Variants in NCK1 observed in about 807,000 individuals in gnomAD.
NCK1 encodes NCK adaptor protein 1.
A neutral mutation model predicts 36.6 loss-of-function variants in NCK1; 19 were observed. The ratio of observed to expected loss-of-function variants is 0.52; its 90% CI spans 0.36 to 0.76. The LOEUF is 0.76. NCK1 is among the 30% of genes least tolerant of loss of function. The probability of loss-of-function intolerance (pLI) is 0.00; values close to 1 mark genes in which losing one functional copy is unlikely to be tolerated. For synonymous variants in NCK1, 165 were observed against 156.0 expected, an observed-to-expected ratio of 1.06 and a Z score of -0.43; for missense variants, 358 against 445.6, an observed-to-expected ratio of 0.80 and a Z score of 1.77.
At chr3:136,864,817 G>A (rs576054277) in intron 1 of NCK1, among the ~76,000 whole-genome samples, 39 of 145,894 alleles carry the variant, frequency 2.7e-4, no homozygotes, top group African/African-American at 9.3e-4. Context: ...GAGTGCAGTG[G>A]CACGATCTTG....
chr3:136,938,350 C>T lies in NCK1; in HGVS notation c.227-7233C>T, dbSNP rs556413109. The stretch of plus-strand genomic sequence containing the variant: ...CTGTATTTGTGAATTCACTTATTGG[C>T]TAAAATTTATTTATAAGCCCAAAGT... On this transcript the variant is annotated intron_variant, in intron 2 of 3. Transcript: ENST00000481752. Among the ~76,000 whole-genome samples, 64 of 152,220 alleles carry T rather than the reference C, an allele frequency of 4.2e-4. No individual in the cohort carries two copies. The East Asian group carries it at 9.1e-3, about 22-fold the overall frequency.
At chr3:136,867,072 CTT>C (rs1248118708) in intron 1 of NCK1, among the ~76,000 whole-genome samples, 1 of 368 alleles carries the variant, frequency 2.7e-3, no homozygotes, top group Admixed American at 0.024. Context: ...TTCTTTCTTT[CTT>C]TCTTTCTTTC....
At position 136,865,378 on chromosome 3, in the gene NCK1, G is replaced by T. The variant is rs7627443; in HGVS notation, c.-19+3025G>T. ...GAGATTACAGGTGTGCGCCACCGTG[G>T]CTGGCCTATATTCATTTTTCAAAAA... is the stretch of plus-strand genomic sequence containing the variant. On this transcript the variant is annotated intron_variant, in intron 1 of 3. Coordinates refer to ENST00000481752, the MANE Select transcript of NCK1 (RefSeq NM_001291999.2). Among the ~76,000 whole-genome samples the T allele has an allele frequency of 3.3e-5, 5 of 151,804 alleles. No homozygotes were observed. The East Asian group carries it at 9.7e-4, about 29-fold the overall frequency.
At chr3:136,921,803 G>C (rs1283138986) in intron 1 of NCK1, among the ~76,000 whole-genome samples, 1 of 152,156 alleles carries the variant, frequency 6.6e-6, no homozygotes, top group African/African-American at 2.4e-5. Flanking sequence ...GTTTTGTTTT[G>C]AGACGGAGTC....
intron 1 of NCK1, among the ~76,000 whole-genome samples, chr3:136,868,126 G>T (rs890221794): frequency 1.3e-5 from 2 of 151,884 alleles, no homozygotes; most frequent in African/African-American, 4.8e-5. Context: ...ATGTTGGCCA[G>T]GCTGGTCTCA....
rs1342886093 is a variant in NCK1, at chr3:136,946,065, G to T, written c.709G>T (p.Gly237Cys). 6.2e-7 allele frequency: 1 copy of T among 1,613,920 alleles called. No individual in the cohort carries two copies. The highest frequency in any genetic ancestry group is 2.2e-5 in the East Asian group (1 of 44,852). Residue 237 changes from glycine to cysteine, a missense_variant, in exon 3 of 4, where the codon GGT (glycine) becomes TGT (cysteine). Physicochemically the swap from Gly to Cys is radical, Grantham distance 159. Coordinates refer to ENST00000481752, the MANE Select transcript of NCK1 (RefSeq NM_001291999.2). ...GTGGTGGAAATGCAGGAAGATCAATGGTATGGTTGGTCTAGTACCAAAAAA... is the reference window on the plus strand; with the variant it reads ...GTGGTGGAAATGCAGGAAGATCAATTGTATGGTTGGTCTAGTACCAAAAAA... ...PEWWKCRKIN[G>C]MVGLVPKNYV...
intron 1 of NCK1, among the ~76,000 whole-genome samples, chr3:136,920,738 T>C (rs1212494204): frequency 2.0e-5 from 3 of 152,184 alleles, no homozygotes; most frequent in Admixed American, 2.0e-4. Flanking sequence ...TGCTAAATTA[T>C]GAGCAATTAG....
At position 136,880,673 on chromosome 3, in the gene NCK1, T is replaced by C. The variant is rs1056859339; in HGVS notation, c.-19+18320T>C. ...AGGCAGGTTCTTGCTCTGTGACCCATGCTAGAGTGCAGCCTCAATCTCCTA... is the reference window on the plus strand; with the variant it reads ...AGGCAGGTTCTTGCTCTGTGACCCACGCTAGAGTGCAGCCTCAATCTCCTA... On this transcript the variant is annotated intron_variant, in intron 1 of 3. Coordinates refer to ENST00000481752, the MANE Select transcript of NCK1 (RefSeq NM_001291999.2). Among the ~76,000 whole-genome samples, 111 of 152,260 alleles carry C rather than the reference T, an allele frequency of 7.3e-4. 3 individuals are homozygous for C. The highest frequency in any genetic ancestry group is 2.5e-4 in the Non-Finnish European group (17 of 68,004).
At chr3:136,945,336 C>G (rs1940783191) in intron 2 of NCK1, among the ~76,000 whole-genome samples, 1 of 151,656 alleles carries the variant, frequency 6.6e-6, no homozygotes, top group South Asian at 2.1e-4. Flanking sequence ...TATTTCAGGG[C>G]CTTTGACAAG....
intron 1 of NCK1, among the ~76,000 whole-genome samples, chr3:136,898,260 G>A (rs931385698): frequency 1.3e-5 from 2 of 151,988 alleles, no homozygotes; most frequent in South Asian, 2.1e-4. Flanking sequence ...GCTGGGTATG[G>A]TGGTGATTGC....
intron 1 of NCK1, among the ~76,000 whole-genome samples, chr3:136,901,618 T>G (rs1243493710): frequency 1.3e-5 from 2 of 152,184 alleles, no homozygotes; most frequent in Admixed American, 1.3e-4. Flanking sequence ...ATTGTATATG[T>G]CTATGTCTAG....
intron 2 of NCK1, among the ~76,000 whole-genome samples, chr3:136,933,136 G>A (rs950327108): frequency 2.0e-5 from 3 of 152,216 alleles, no homozygotes; most frequent in African/African-American, 7.2e-5. Context: ...AGTAAGAGCT[G>A]CTGTGGTAAT....
intron 1 of NCK1, among the ~76,000 whole-genome samples, chr3:136,878,408 C>G (rs912561969): frequency 3.9e-5 from 6 of 152,082 alleles, no homozygotes; most frequent in African/African-American, 1.4e-4. Flanking sequence ...GATTCTGTCT[C>G]AAAAACAAAC....
At chr3:136,916,179 G>T (rs538861678) in intron 1 of NCK1, among the ~76,000 whole-genome samples, 55 of 152,154 alleles carry the variant, frequency 3.6e-4, no homozygotes, top group African/African-American at 1.3e-3. Context: ...ATGAGATTTG[G>T]GTGGATACAC....
chr3:136,886,681 A>T (rs937430940), intron 1 of NCK1, among the ~76,000 whole-genome samples: 1 of 152,100 alleles, frequency 6.6e-6, no homozygotes, highest in Non-Finnish European at 1.5e-5. Context: ...TAAATGAGAG[A>T]CCTGTGAACA....
chr3:136,882,619 C>CT (rs1938973994), intron 1 of NCK1, among the ~76,000 whole-genome samples: 1 of 151,474 alleles, frequency 6.6e-6, no homozygotes, highest in African/African-American at 2.4e-5. Flanking sequence ...TATGCAGTCA[C>CT]TTGGAGCACA....
intron 2 of NCK1, among the ~76,000 whole-genome samples, chr3:136,939,135 T>G (rs950483401): frequency 1.4e-4 from 22 of 152,252 alleles, no homozygotes; most frequent in African/African-American, 5.3e-4. Context: ...AGATGTTTTG[T>G]TACTGATTGA....
intron 1 of NCK1, among the ~76,000 whole-genome samples, chr3:136,904,551 T>C (rs537151822): frequency 5.4e-4 from 83 of 152,348 alleles, no homozygotes; most frequent in African/African-American, 1.8e-3. Context: ...CCTTTATAAG[T>C]GACTAGATGC....
chr3:136,888,438 G>T (rs1186205667), intron 1 of NCK1, among the ~76,000 whole-genome samples: 2 of 150,578 alleles, frequency 1.3e-5, no homozygotes, highest in Non-Finnish European at 3.0e-5. Context: ...GAGTCTCGCT[G>T]TGTCACCAGG....
Sources: gnomAD v4.1 joint callset for allele counts (sites outside exome capture counted in the v4.1 genomes callset) on GRCh38, gnomAD v4.1.1 for gene constraint, MANE v1.5 for transcripts, NCBI Gene and HGNC (gene_info 2026-07-23, HGNC 2026-07-21) for gene names.